ACAN: variants seen among roughly 807,000 people sequenced by gnomAD.
The protein encoded by ACAN is aggrecan core protein.
ACAN carries 47 observed loss-of-function variants against 169.1 expected under a neutral mutation model. The ratio of observed to expected loss-of-function variants is 0.28; its 90% CI spans 0.22 to 0.35. ACAN has a LOEUF of 0.35. Among genes scored for constraint, ACAN ranks in the 10% least tolerant of loss-of-function variants. The pLI, the probability that ACAN is intolerant of heterozygous loss-of-function variation, is 1.00. For synonymous variants in ACAN, 1,115 were observed against 1,112.2 expected (o/e 1.00, Z -0.05); for missense variants, 2,716 against 2,759.9 (o/e 0.98, Z 0.36).
At position 88,858,781 on chromosome 15, in the gene ACAN, C is replaced by G. The variant is rs749933055; in HGVS notation, c.6196C>G (p.Leu2066Val). 1 of 1,613,930 alleles carries G rather than the reference C, an allele frequency of 6.2e-7. No homozygotes were observed. The highest frequency in any genetic ancestry group is 8.5e-7 in the Non-Finnish European group (1 of 1,179,860). ...GCCCCCTGTGACACACACACCCCAGCTTTTTGAGTCCAGTGGAAAAGTCTC... is the reference window on the plus strand; with the variant it reads ...GCCCCCTGTGACACACACACCCCAGGTTTTTGAGTCCAGTGGAAAAGTCTC... ...QRPPVTHTPQ[L>V]FESSGKVSTA... The change falls in exon 12 of 19, where the codon CTT (leucine) becomes GTT (valine). Residue 2066 changes from leucine (L) to valine (V), a missense_variant. Leu to Val is a conservative substitution (Grantham distance 32, BLOSUM62 1). Transcript: ENST00000560601. This position sits in a 1 kb window ranked among gnomAD's most constrained non-coding sequence, Gnocchi z 4.0.
chr15:88,853,753 GATAC>G (rs3080433), intron 11 of ACAN, among the ~76,000 whole-genome samples: 76,611 of 150,008 alleles, frequency 0.51, 20,981 homozygotes, highest in Non-Finnish European at 0.64. Flanking sequence ...TAGATAGATA[GATAC>G]ATACATACAT....
intron 1 of ACAN, among the ~76,000 whole-genome samples, chr15:88,817,224 C>T (rs1256729139): frequency 2.0e-5 from 3 of 152,206 alleles, no homozygotes; most frequent in African/African-American, 7.2e-5. Context: ...TCGCTGCAAC[C>T]TCTGCCTCCC....
intron 1 of ACAN, among the ~76,000 whole-genome samples, chr15:88,815,141 C>A (rs1038739313): frequency 1.3e-5 from 2 of 152,256 alleles, no homozygotes; most frequent in Admixed American, 6.5e-5. Flanking sequence ...TGGTTCTCCC[C>A]TCTCTTGGTT....
rs908683674 is a variant in ACAN, at chr15:88,807,856, C to T, written c.-8+4047C>T. ...GGTGACTTCTCTCCCTCTCAATGGC[C>T]TTACAGTGTATCCTAAAGAAGCTTT... On this transcript the variant is annotated intron_variant, in intron 1 of 18. Transcript: ENST00000560601. The surrounding 1 kb of genome is among the most constrained non-coding windows in gnomAD (Gnocchi z 4.0). Among the ~76,000 whole-genome samples the T allele has an allele frequency of 1.3e-5, 2 of 150,888 alleles. No homozygotes were observed. Among genetic ancestry groups the T allele is most frequent in the African/African-American group, 4.9e-5 (2 of 40,992 alleles).
At position 88,858,955 on chromosome 15, in the gene ACAN, T is replaced by C. The variant is rs1177248665; in HGVS notation, c.6370T>C (p.Ser2124Pro). Residue 2124 changes from serine to proline, a missense_variant, in exon 12 of 19, where the codon TCT becomes CCT. By Grantham distance (74) the Ser-to-Pro change is moderately conservative. Around this residue, in one of 3 missense-constraint regions of ACAN, gnomAD observed 1,389 missense variants for 1,363.7 expected, o/e 1.02. Transcript: ENST00000560601. The surrounding 1 kb of genome is among the most constrained non-coding windows in gnomAD (Gnocchi z 4.0). The stretch of plus-strand genomic sequence containing the variant: ...CGCCCCTGAGGCCAGCAGAGAAGAT[T>C]CTGGGTCCCCTGATCTGAGTGAAAC... ...SAAPEASRED[S>P]GSPDLSETTS... 2.5e-6 allele frequency: 4 copies of C among 1,612,020 alleles called. No homozygotes were observed. The Admixed American group carries it at 6.7e-5, about 27-fold the overall frequency.
chr15:88,862,708 C>A (rs1473268735), intron 13 of ACAN, among the ~76,000 whole-genome samples: 1 of 152,118 alleles, frequency 6.6e-6, no homozygotes. Context: ...TTAAAAAGAC[C>A]ACGGATCGGC....
intron 1 of ACAN, among the ~76,000 whole-genome samples, chr15:88,820,218 C>G (rs527943355): frequency 3.3e-5 from 5 of 152,262 alleles, no homozygotes; most frequent in African/African-American, 1.2e-4. Context: ...TGAATAAAAC[C>G]CAGTGCATGC....
intron 11 of ACAN, among the ~76,000 whole-genome samples, chr15:88,853,089 C>CCTGCCTCT: frequency 6.6e-6 from 1 of 152,196 alleles, no homozygotes; most frequent in East Asian, 1.9e-4. Context: ...AGCAGCCACA[C>CCTGCCTCT]CTGCCTGTGA....
chr15:88,848,385 A>C (rs138074442), intron 9 of ACAN, among the ~76,000 whole-genome samples: 17 of 152,312 alleles, frequency 1.1e-4, no homozygotes, highest in African/African-American at 4.1e-4. Context: ...GGCACAAATC[A>C]AAGGCACTGA....
In ACAN at chr15:88,843,453, C is replaced by G. The variant is rs774028386; in HGVS notation, c.856C>G (p.Leu286Val). ...TGCCCGGCTGGCCACCACGGGCCAG[C>G]TCTACCTGGCCTGGCAGGCTGGCAT... ...LGARLATTGQ[L>V]YLAWQAGMDM... Residue 286 changes from leucine to valine, a missense_variant, in exon 6 of 19, where the codon CTC becomes GTC. Leu to Val is a conservative substitution (Grantham distance 32). Coordinates refer to ENST00000560601, the MANE Select transcript of ACAN (RefSeq NM_001369268.1). This position sits in a 1 kb window ranked among gnomAD's most constrained non-coding sequence, Gnocchi z 4.0. 6.2e-7 allele frequency: 1 copy of G among 1,611,218 alleles called. No individual in the cohort carries two copies. Among genetic ancestry groups the G allele is most frequent in the South Asian group, 1.1e-5 (1 of 90,914 alleles).
rs367763248 is a variant in ACAN at position 88,872,831 on chromosome 15, A to G, written c.7303-50A>G. The G allele has an allele frequency of 4.0e-5, 64 of 1,602,456 alleles. No individual in the cohort carries two copies. In the African/African-American group the frequency reaches 8.3e-4, roughly 21 times the overall value. ...CGGGGAAGACAGTCGGAGCAGGCCA[A>G]CCCGCACTGTCCTGCCCTCTCCTTA... On this transcript the variant is annotated intron_variant, in intron 16 of 18. Coordinates refer to ENST00000560601, the MANE Select transcript of ACAN (RefSeq NM_001369268.1). This position sits in a 1 kb window ranked among gnomAD's most constrained non-coding sequence, Gnocchi z 5.4.
chr15:88,818,456 A>G (rs1358813164), intron 1 of ACAN, among the ~76,000 whole-genome samples: 1 of 152,232 alleles, frequency 6.6e-6, no homozygotes, highest in Non-Finnish European at 1.5e-5. Context: ...TCAGTGAGCC[A>G]GAGACAAGAG....
intron 1 of ACAN, 36 bp from the exon 2 acceptor site, chr15:88,836,164 A>C: frequency 1.7e-5 from 25 of 1,508,388 alleles, no homozygotes; most frequent in Non-Finnish European, 2.3e-5. Flanking sequence ...CCATGCCTTC[A>C]CTGTCTAAAT....
chr15:88,859,482 A>C, intron 12 of ACAN, 65 bp downstream of exon 12: 1 of 1,547,700 alleles, frequency 6.5e-7, no homozygotes, highest in African/African-American at 1.4e-5. Flanking sequence ...ACTGCAGCAC[A>C]GAAGGAGGCA....
Position 88,858,816 on chromosome 15 carries a change from G to C in ACAN, c.6231G>C (p.Gly2077=), listed in dbSNP as rs1447748919. 1 of 1,613,814 alleles carries C rather than the reference G, an allele frequency of 6.2e-7. No homozygotes were observed. The highest frequency in any genetic ancestry group is 1.7e-5 in the Admixed American group (1 of 60,002). The change falls in exon 12 of 19, where the codon GGG becomes GGC. Residue 2077 remains glycine, a synonymous_variant. Transcript: ENST00000560601. The surrounding 1 kb of genome is among the most constrained non-coding windows in gnomAD (Gnocchi z 4.0). The part of the protein sequence containing the change: ...FESSGKVSTA[G]DISGATPVLP... Reference sequence around the variant, plus strand: ...CCAGTGGAAAAGTCTCCACAGCTGGGGACATTAGTGGAGCTACCCCAGTGC... The same window carrying C: ...CCAGTGGAAAAGTCTCCACAGCTGGCGACATTAGTGGAGCTACCCCAGTGC...
intron 1 of ACAN, among the ~76,000 whole-genome samples, chr15:88,824,835 G>A (rs893309996): frequency 4.4e-4 from 67 of 151,556 alleles, no homozygotes; most frequent in African/African-American, 1.6e-3. Context: ...GCCAAGATCT[G>A]ACAGGCCTTC....
At position 88,873,626 on chromosome 15, in the gene ACAN, A is replaced by G. The variant is rs1567195220; in HGVS notation, c.7448-216A>G. ...TCATCTTCTCTTCATCCCTTTAAAG[A>G]CCACCCCGTTTGTATTCCCTTCCTG... On this transcript the variant is annotated intron_variant, in intron 17 of 18. Transcript: ENST00000560601. The surrounding 1 kb of genome is among the most constrained non-coding windows in gnomAD (Gnocchi z 7.5). 1 of 583,540 alleles carries G rather than the reference A, an allele frequency of 1.7e-6. No homozygotes were observed. Among genetic ancestry groups the G allele is most frequent in the Non-Finnish European group, 3.0e-6 (1 of 329,304 alleles). The allele number at this position is 583,540 out of a possible 1,614,324, so 36.1% of individuals were successfully genotyped here. A position where few individuals can be genotyped will look rare whatever the true frequency, so the allele number is the denominator to read the frequency against.
At chr15:88,827,842 G>A (rs958199606) in intron 1 of ACAN, among the ~76,000 whole-genome samples, 4 of 152,128 alleles carry the variant, frequency 2.6e-5, no homozygotes, top group African/African-American at 7.2e-5. Flanking sequence ...ATTGAGCCTC[G>A]AGAGGTTAAA....
intron 13 of ACAN, among the ~76,000 whole-genome samples, chr15:88,862,291 A>G (rs995886255): frequency 1.3e-5 from 2 of 152,022 alleles, no homozygotes; most frequent in African/African-American, 2.4e-5. Context: ...CCTGAGATCT[A>G]CCCCCACAGA....
Sources: allele counts gnomAD v4.1 joint callset (sites outside exome capture counted in the v4.1 genomes callset), GRCh38; gene constraint gnomAD v4.1.1; regional missense constraint gnomAD v4.1.1; non-coding constraint Gnocchi (gnomAD v3.1); transcripts MANE v1.5; gene names NCBI Gene and HGNC (gene_info 2026-07-23, HGNC 2026-07-21).